The following CELF4 variants were observed in gnomAD, a reference collection of about 807,000 sequenced individuals.
CELF4 encodes CUGBP Elav-like family member 4.
In CELF4, 18 loss-of-function variants were observed where a neutral mutation model predicts 59.9. The observed-to-expected ratio is 0.30, with a 90% CI of 0.21 to 0.45. CELF4 has a LOEUF of 0.45. Ranked by LOEUF, CELF4 falls within the 20% of genes least tolerant of loss-of-function variation. The probability of loss-of-function intolerance (pLI) is 1.00; values close to 1 mark genes in which losing one functional copy is unlikely to be tolerated. For missense variants in CELF4, 456 were observed against 689.0 expected, an observed-to-expected ratio of 0.66 and a Z score of 3.79; for synonymous variants, 261 against 267.1, an observed-to-expected ratio of 0.98 and a Z score of 0.22.
intron 1 of CELF4, among the ~76,000 whole-genome samples, chr18:37,546,679 A>G (rs935558518): frequency 1.3e-5 from 2 of 152,134 alleles, no homozygotes; most frequent in Non-Finnish European, 2.9e-5. Context: ...CATGACACAC[A>G]CTGACCCACA....
chr18:37,257,150 G>T (rs1228462250), intron 11 of CELF4, among the ~76,000 whole-genome samples: 1 of 152,190 alleles, frequency 6.6e-6, no homozygotes, highest in Non-Finnish European at 1.5e-5. Flanking sequence ...AGTGCTTAGA[G>T]CAGACTGCAA....
At chr18:37,498,020 C>T (rs1421493078) in intron 1 of CELF4, among the ~76,000 whole-genome samples, 3 of 152,162 alleles carry the variant, frequency 2.0e-5, no homozygotes, top group African/African-American at 7.2e-5. Context: ...CTGGACTCTG[C>T]AGCCTTGAGA....
intron 1 of CELF4, among the ~76,000 whole-genome samples, chr18:37,510,251 C>T (rs1234363087): frequency 1.3e-5 from 2 of 152,170 alleles, no homozygotes; most frequent in Non-Finnish European, 2.9e-5. Flanking sequence ...TTGCAATATT[C>T]CAGCCCAGAA....
chr18:37,349,333 T>G (rs1339058370), intron 2 of CELF4, among the ~76,000 whole-genome samples: 1 of 152,158 alleles, frequency 6.6e-6, no homozygotes, highest in Non-Finnish European at 1.5e-5. Context: ...GGGGAGAAAC[T>G]GGAAACTTCC....
chr18:37,561,564 T>C (rs535431337), intron 1 of CELF4, among the ~76,000 whole-genome samples: 1 of 152,204 alleles, frequency 6.6e-6, no homozygotes, highest in East Asian at 1.9e-4. Flanking sequence ...ACCAAAGTTA[T>C]GAATGGATTG....
chr18:37,446,614 C>T (rs1181151329), intron 2 of CELF4, among the ~76,000 whole-genome samples: 3 of 152,206 alleles, frequency 2.0e-5, no homozygotes, highest in Admixed American at 1.3e-4. Flanking sequence ...GTTTCTGGCA[C>T]ACAGCAAGCA....
At chr18:37,488,195 A>T (rs1569569626) in intron 1 of CELF4, among the ~76,000 whole-genome samples, 3 of 151,454 alleles carry the variant, frequency 2.0e-5, no homozygotes, top group African/African-American at 7.3e-5. Context: ...TCCCTTGACC[A>T]CCCCATTTAG....
Position 37,565,697 on chromosome 18 carries a change from T to TCTCA in CELF4, c.-57_-56insTGAG. 1 of 1,286,206 alleles carries TCTCA rather than the reference T, an allele frequency of 7.8e-7. No homozygotes were observed. The highest frequency in any genetic ancestry group is 1.0e-6 in the Non-Finnish European group (1 of 956,340). 79.7% of individuals were successfully genotyped at this position (1,286,206 alleles called of 1,614,324 possible). A position where few individuals can be genotyped will look rare whatever the true frequency, so the allele number is the denominator to read the frequency against. ...TCGCTCACACTCTCTCGCTCCTCTCTCTCGCTCGCTCGCGCTCACACACGC... is the reference window on the plus strand; with the variant it reads ...TCGCTCACACTCTCTCGCTCCTCTCTCTCACTCGCTCGCTCGCGCTCACACACGC... On this transcript the variant is annotated 5_prime_UTR_variant, in exon 1 of 13. Coordinates refer to ENST00000420428, the MANE Select transcript of CELF4 (RefSeq NM_020180.4).
At position 37,470,887 on chromosome 18, in the gene CELF4, T is replaced by TGAGAGAGAGAGAGAGAGA. The variant is rs1557426553; in HGVS notation, c.369+14637_369+14638insTCTCTCTCTCTCTCTCTC. Among the ~76,000 whole-genome samples the TGAGAGAGAGAGAGAGAGA allele has an allele frequency of 1.1e-4, 8 of 71,968 alleles. No homozygotes were observed. In the South Asian group the frequency reaches 2.4e-3, roughly 21 times the overall value. 47.2% of individuals were successfully genotyped at this position (71,968 alleles called of 152,430 possible). A position where few individuals can be genotyped will look rare whatever the true frequency, so the allele number is the denominator to read the frequency against. ...GTGTGTGTGTGTGTGTGTGTGTGTG[T>TGAGAGAGAGAGAGAGAGA]GACAGAGAGAGAGAGAGAGAGAGAG... On this transcript the variant is annotated intron_variant, in intron 2 of 12. Transcript: ENST00000420428.
At chr18:37,557,997 CTTTTTTT>C (rs34181233) in intron 1 of CELF4, among the ~76,000 whole-genome samples, 7 of 100,766 alleles carry the variant, frequency 6.9e-5, no homozygotes, top group Admixed American at 1.3e-4. Flanking sequence ...ATCCCTTTTA[CTTTTTTT>C]TTTTTTTTTT....
intron 2 of CELF4, among the ~76,000 whole-genome samples, chr18:37,365,855 T>G: frequency 6.6e-6 from 1 of 152,236 alleles, no homozygotes; most frequent in African/African-American, 2.4e-5. Flanking sequence ...ATGATGGACA[T>G]AGTACAATAT....
intron 1 of CELF4, among the ~76,000 whole-genome samples, chr18:37,556,739 G>T (rs1369066810): frequency 6.6e-6 from 1 of 152,140 alleles, no homozygotes; most frequent in Non-Finnish European, 1.5e-5. Context: ...CTGGCTAGCT[G>T]GAGAGATCTT....
chr18:37,489,460 C>T (rs2099892830), intron 1 of CELF4, among the ~76,000 whole-genome samples: 1 of 152,086 alleles, frequency 6.6e-6, no homozygotes, highest in Admixed American at 6.5e-5. Context: ...CCATTGGACA[C>T]TCACTGCTCT....
intron 3 of CELF4, among the ~76,000 whole-genome samples, chr18:37,296,889 C>A (rs901903737): frequency 2.6e-5 from 4 of 152,180 alleles, no homozygotes; most frequent in African/African-American, 9.7e-5. Flanking sequence ...CCCCTTCACC[C>A]CCAAGGGCCA....
intron 2 of CELF4, among the ~76,000 whole-genome samples, chr18:37,416,347 T>C (rs1044575205): frequency 1.3e-5 from 2 of 152,172 alleles, no homozygotes; most frequent in African/African-American, 4.8e-5. Flanking sequence ...CCTCCCCCTG[T>C]CAGAACCCAG....
At chr18:37,541,534 G>A (rs949480885) in intron 1 of CELF4, among the ~76,000 whole-genome samples, 1 of 152,024 alleles carries the variant, frequency 6.6e-6, no homozygotes, top group East Asian at 1.9e-4. Flanking sequence ...CACAGCAGCC[G>A]AAAGATCTCT....
intron 1 of CELF4, among the ~76,000 whole-genome samples, chr18:37,537,560 A>C (rs2099974504): frequency 6.6e-6 from 1 of 152,164 alleles, no homozygotes; most frequent in South Asian, 2.1e-4. Flanking sequence ...CATGAAAATT[A>C]CAGGTCTTCG....
At chr18:37,402,570 G>A (rs1170234218) in intron 2 of CELF4, among the ~76,000 whole-genome samples, 1 of 152,204 alleles carries the variant, frequency 6.6e-6, no homozygotes, top group Non-Finnish European at 1.5e-5. Flanking sequence ...GTGGGGTAGG[G>A]TGAGGGTAGA....
chr18:37,562,145 T>A (rs2154606330), intron 1 of CELF4, among the ~76,000 whole-genome samples: 1 of 152,284 alleles, frequency 6.6e-6, no homozygotes, highest in Middle Eastern at 3.4e-3. Flanking sequence ...CCCAACAGCC[T>A]TTCTCTGATA....
Sources: allele counts gnomAD v4.1 joint callset (sites outside exome capture counted in the v4.1 genomes callset), GRCh38; gene constraint gnomAD v4.1.1; transcripts MANE v1.5; gene names NCBI Gene and HGNC (gene_info 2026-07-23, HGNC 2026-07-21).